The following DNAAF5 variants were observed in gnomAD, a reference collection of about 807,000 sequenced individuals.
The protein encoded by DNAAF5 is dynein axonemal assembly factor 5.
DNAAF5 carries 64 observed loss-of-function variants against 75.8 expected under a neutral mutation model. The ratio of observed to expected loss-of-function variants is 0.84; its 90% CI spans 0.69 to 1.04. The LOEUF (loss-of-function observed/expected upper bound fraction) is 1.04, where lower values mean the gene tolerates loss of function less well. DNAAF5 is among the 50% of genes least tolerant of loss of function. DNAAF5 has a pLI of 0.00. For missense variants in DNAAF5, 1,269 were observed against 1,178.5 expected (o/e 1.08, Z -1.12); for synonymous variants, 657 against 557.2 (o/e 1.18, Z -2.52).
chr7:738,162 A>G (rs1001119754), intron 2 of DNAAF5, among the ~76,000 whole-genome samples: 2 of 152,016 alleles, frequency 1.3e-5, no homozygotes, highest in African/African-American at 2.4e-5. Context: ...CAAGCTGCTC[A>G]CTAATTCTTT....
At position 727,288 on chromosome 7, in the gene DNAAF5, G is replaced by A. The variant is rs1781361793; in HGVS notation, c.568G>A (p.Ala190Thr). The A allele has an allele frequency of 1.5e-6, 2 of 1,302,716 alleles. No individual in the cohort carries two copies. The highest frequency in any genetic ancestry group is 4.1e-5 in the Admixed American group (1 of 24,374). The allele number at this position is 1,302,716 out of a possible 1,614,324, so 80.7% of individuals were successfully genotyped here. A position where few individuals can be genotyped will look rare whatever the true frequency, so the allele number is the denominator to read the frequency against. The change falls in exon 1 of 13, where the codon GCC becomes ACC. Residue 190 changes from alanine (A) to threonine (T), a missense_variant. Physicochemically the swap from Ala to Thr is moderately conservative, Grantham distance 58 (BLOSUM62 0). Transcript: ENST00000297440. ...CGTGCGCCGCGAGAGCTGCAGCTGC[G>A]CCGCCGCCCTGGCGCAGGCCACGCC... ...AAVRRESCSC[A>T]AALAQATPDH...
intron 2 of DNAAF5, among the ~76,000 whole-genome samples, chr7:730,772 G>C (rs981844086): frequency 8.6e-5 from 13 of 150,392 alleles, no homozygotes; most frequent in Non-Finnish European, 1.5e-4. Flanking sequence ...TGTGCGCAGA[G>C]ACACAGGGGG....
chr7:751,089 T>A (rs1782277089), intron 4 of DNAAF5: 1 of 152,156 alleles, frequency 6.6e-6, no homozygotes, highest in South Asian at 2.1e-4. Flanking sequence ...AGGTGAAGGT[T>A]GCAGTGAGCT....
chr7:761,336 C>T (rs576165739), intron 6 of DNAAF5, among the ~76,000 whole-genome samples: 1 of 152,364 alleles, frequency 6.6e-6, no homozygotes, highest in African/African-American at 2.4e-5. Flanking sequence ...CTCTGTCGGC[C>T]CTGACACTGG....
intron 6 of DNAAF5, among the ~76,000 whole-genome samples, chr7:757,431 C>T (rs1160187256): frequency 6.6e-6 from 1 of 152,238 alleles, no homozygotes; most frequent in Non-Finnish European, 1.5e-5. Context: ...CGTGGTCGCA[C>T]GTCCACCATC....
chr7:739,416 T>C (rs966524327), intron 2 of DNAAF5, among the ~76,000 whole-genome samples: 11 of 152,192 alleles, frequency 7.2e-5, no homozygotes, highest in African/African-American at 2.4e-4. Context: ...TGACAGTTTG[T>C]TCTGTGGGGA....
intron 11 of DNAAF5, among the ~76,000 whole-genome samples, chr7:775,511 G>GGTGGGTGT: frequency 6.6e-6 from 1 of 150,616 alleles, no homozygotes; most frequent in African/African-American, 2.4e-5. Flanking sequence ...TAAAAGTAGG[G>GGTGGGTGT]GTGTGTGTGT....
At chr7:769,134 A>G (rs938189458) in intron 8 of DNAAF5, 1 of 768,774 alleles carries the variant, frequency 1.3e-6, no homozygotes, top group Non-Finnish European at 2.4e-6. Flanking sequence ...TCCACTACCG[A>G]GCAGCCTGCT....
chr7:774,642 G>A (rs1228801507), intron 10 of DNAAF5, among the ~76,000 whole-genome samples: 1 of 152,116 alleles, frequency 6.6e-6, no homozygotes, highest in Non-Finnish European at 1.5e-5. Context: ...GTCGCCGCCC[G>A]GCGGGAAGGC....
At chr7:760,738 C>T (rs1477499475) in intron 6 of DNAAF5, among the ~76,000 whole-genome samples, 2 of 152,212 alleles carry the variant, frequency 1.3e-5, no homozygotes, top group African/African-American at 2.4e-5. Flanking sequence ...TGCTGTGTTG[C>T]GGGCTTCAGA....
At chr7:767,502 G>T (rs1363669274) in intron 8 of DNAAF5, among the ~76,000 whole-genome samples, 1 of 152,206 alleles carries the variant, frequency 6.6e-6, no homozygotes. Context: ...GAAATTGTAA[G>T]TGACCCAAAT....
In DNAAF5 at chr7:740,927, G is replaced by A. The variant is rs753466171; in HGVS notation, c.889G>A (p.Glu297Lys). 6.2e-6 allele frequency: 10 copies of A among 1,613,364 alleles called. No individual in the cohort carries two copies. The highest frequency in any genetic ancestry group is 1.3e-5 in the African/African-American group (1 of 75,030). The change falls in exon 3 of 13, where the codon GAG becomes AAG. Residue 297 changes from glutamate to lysine, a missense_variant. Coordinates refer to ENST00000297440, the MANE Select transcript of DNAAF5 (RefSeq NM_017802.4). Reference sequence around the variant, plus strand: ...TCTGCTGCTCAGTAGCCTCAACGACGAGGTGCCTGAGGTCAGGTACGTGGG... The same window carrying A: ...TCTGCTGCTCAGTAGCCTCAACGACAAGGTGCCTGAGGTCAGGTACGTGGG... ...IPLLLSSLND[E>K]VPEVRQLAAS... is the part of the protein sequence containing the mutation.
chr7:740,874 G>A lies in DNAAF5; in HGVS notation c.836G>A (p.Arg279His), dbSNP rs978606639. Reference protein sequence around the residue: ...VGGWLLCLRDRYSFFHKLIPL... With the variant: ...VGGWLLCLRDHYSFFHKLIPL... ...GGCTGGCTGCTGTGTCTGCGTGACCGTTACTCCTTCTTCCACAAGCTCATC... is the reference window on the plus strand; with the variant it reads ...GGCTGGCTGCTGTGTCTGCGTGACCATTACTCCTTCTTCCACAAGCTCATC... Residue 279 changes from arginine to histidine, a missense_variant, in exon 3 of 13, where the codon CGT (arginine) becomes CAT (histidine). Transcript: ENST00000297440. 8.1e-6 allele frequency: 13 copies of A among 1,614,062 alleles called. No individual in the cohort carries two copies. The highest frequency in any genetic ancestry group is 3.3e-5 in the South Asian group (3 of 91,092).
chr7:782,001 G>T (rs1416082204), intron 12 of DNAAF5, among the ~76,000 whole-genome samples: 10 of 152,242 alleles, frequency 6.6e-5, no homozygotes, highest in Non-Finnish European at 4.4e-5. Context: ...CTTTGGGCCT[G>T]GATGTGCTGA....
At position 729,701 on chromosome 7, in the gene DNAAF5, C is replaced by G; in HGVS notation, c.634C>G (p.Leu212Val). The change falls in exon 2 of 13, where the codon CTG (leucine) becomes GTG (valine). Residue 212 changes from leucine (L) to valine (V), a missense_variant. Coordinates refer to ENST00000297440, the MANE Select transcript of DNAAF5 (RefSeq NM_017802.4). Reference sequence around the variant, plus strand: ...GCAGTCGGAGTCTCTGATCGGGCCCCTGATGCAGACCATCTCCCACCAGCA... The same window carrying G: ...GCAGTCGGAGTCTCTGATCGGGCCCGTGATGCAGACCATCTCCCACCAGCA... ...HMQSESLIGP[L>V]MQTISHQHWK... 6.2e-7 allele frequency: 1 copy of G among 1,614,100 alleles called. No homozygotes were observed. Among genetic ancestry groups the G allele is most frequent in the Non-Finnish European group, 8.5e-7 (1 of 1,180,030 alleles).
At chr7:746,615 C>T (rs1357241919) in intron 4 of DNAAF5, among the ~76,000 whole-genome samples, 1 of 151,130 alleles carries the variant, frequency 6.6e-6, no homozygotes, top group Non-Finnish European at 1.5e-5. Context: ...GACTGTGACG[C>T]CCTCCTTACG....
chr7:747,309 G>T (rs780680023), intron 4 of DNAAF5, among the ~76,000 whole-genome samples: 1 of 152,168 alleles, frequency 6.6e-6, no homozygotes, highest in Non-Finnish European at 1.5e-5. Context: ...TTAGTGTGTC[G>T]GTTGGTGTGC....
chr7:734,194 G>C (rs931486705), intron 2 of DNAAF5, among the ~76,000 whole-genome samples: 3 of 152,196 alleles, frequency 2.0e-5, no homozygotes, highest in Non-Finnish European at 4.4e-5. Context: ...TAGAAGAAAG[G>C]CTTTCAATTT....
chr7:740,968 C>A (rs528067778), intron 3 of DNAAF5, 25 bp downstream of exon 3: 2 of 1,608,742 alleles, frequency 1.2e-6, no homozygotes, highest in Non-Finnish European at 1.7e-6. Flanking sequence ...GGCCGCGGGC[C>A]TTGTCTTCCT....
Sources: allele counts gnomAD v4.1 joint callset (sites outside exome capture counted in the v4.1 genomes callset), GRCh38; gene constraint gnomAD v4.1.1; transcripts MANE v1.5; gene names NCBI Gene and HGNC (gene_info 2026-07-23, HGNC 2026-07-21).